Variants in CSTF3 observed in about 807,000 individuals in gnomAD.
CSTF3 encodes the protein cleavage stimulation factor subunit 3.
CSTF3 carries 29 observed loss-of-function variants against 105.8 expected under a neutral mutation model. That is an observed-to-expected ratio of 0.27 (90% confidence interval 0.20 to 0.37). The LOEUF (loss-of-function observed/expected upper bound fraction) is 0.37, where lower values mean the gene tolerates loss of function less well. Ranked by LOEUF, CSTF3 falls within the 10% of genes least tolerant of loss-of-function variation. CSTF3 has a pLI of 1.00. For missense variants in CSTF3, 357 were observed against 879.3 expected, an observed-to-expected ratio of 0.41 and a Z score of 7.51; for synonymous variants, 252 against 281.9, an observed-to-expected ratio of 0.89 and a Z score of 1.06.
At chr11:33,090,127 A>C (rs1855152305) in intron 17 of CSTF3, among the ~76,000 whole-genome samples, 2 of 152,220 alleles carry the variant, frequency 1.3e-5, no homozygotes, top group Non-Finnish European at 2.9e-5. Flanking sequence ...CAAAATATGC[A>C]ACAGGAACTA....
At chr11:33,108,468 C>A in intron 3 of CSTF3, 50 bp from the exon 4 acceptor site, 2 of 1,337,678 alleles carry the variant, frequency 1.5e-6, no homozygotes, top group South Asian at 3.5e-5. Flanking sequence ...TTTAGAGCAT[C>A]AGTCTGAATT....
intron 8 of CSTF3, among the ~76,000 whole-genome samples, chr11:33,105,026 A>G (rs1314202074): frequency 1.3e-5 from 2 of 152,164 alleles, no homozygotes; most frequent in African/African-American, 2.4e-5. Flanking sequence ...TGGGATTACA[A>G]GTGTAAGCCA....
At chr11:33,155,354 A>G (rs1184770966) in intron 1 of CSTF3, among the ~76,000 whole-genome samples, 3 of 149,766 alleles carry the variant, frequency 2.0e-5, no homozygotes, top group Non-Finnish European at 4.4e-5. Flanking sequence ...AAAGTGCAAG[A>G]CTCTGTCTCG....
intron 1 of CSTF3, among the ~76,000 whole-genome samples, chr11:33,147,179 CCT>C (rs1855794580): frequency 6.6e-6 from 1 of 152,022 alleles, no homozygotes; most frequent in Non-Finnish European, 1.5e-5. Context: ...CACCTGCAGT[CCT>C]AGCTACCTGG....
rs774914858 is a variant in CSTF3 at position 33,161,157 on chromosome 11, C to T, written c.27+142G>A. 6.3e-4 allele frequency: 476 copies of T among 754,072 alleles called. 1 individual carries two copies. Among genetic ancestry groups the T allele is most frequent in the Middle Eastern group, 9.2e-4 (3 of 3,244 alleles). The allele number at this position is 754,072 out of a possible 1,614,324, so 46.7% of individuals were successfully genotyped here. ...AAAATTAAATCTTAGATCTTGCTCC[C>T]CATTCCCACCACTCTTCTATATACC... On this transcript the variant is annotated intron_variant, in intron 1 of 20. Transcript: ENST00000323959.
chr11:33,128,951 T>C (rs1176257255), intron 3 of CSTF3, among the ~76,000 whole-genome samples: 1 of 152,192 alleles, frequency 6.6e-6, no homozygotes, highest in Non-Finnish European at 1.5e-5. Context: ...TCTTCCAGAT[T>C]TCCTTGACTC....
chr11:33,120,437 C>T (rs1380008468), intron 3 of CSTF3, among the ~76,000 whole-genome samples: 3 of 151,768 alleles, frequency 2.0e-5, no homozygotes, highest in South Asian at 4.1e-4. Flanking sequence ...AAAATGTTTT[C>T]CTTTTTGTAA....
chr11:33,102,930 T>G (rs1855293979), intron 9 of CSTF3, among the ~76,000 whole-genome samples, 177 bp downstream of exon 9: 1 of 152,248 alleles, frequency 6.6e-6, no homozygotes, highest in South Asian at 2.1e-4. Flanking sequence ...TTTATTATAT[T>G]TTGTTCTTAC....
At chr11:33,117,110 A>C (rs1191523822) in intron 3 of CSTF3, among the ~76,000 whole-genome samples, 1 of 152,008 alleles carries the variant, frequency 6.6e-6, no homozygotes, top group Middle Eastern at 3.2e-3. Context: ...TGTAAAAAAA[A>C]CTTTTCTTAT....
intron 4 of CSTF3, 145 bp from the exon 5 acceptor site, chr11:33,108,145 A>G (rs1855344592): frequency 1.6e-6 from 1 of 616,740 alleles, no homozygotes; most frequent in Non-Finnish European, 2.6e-6. Flanking sequence ...CCCCATTTTC[A>G]GTTTAGATAA....
At chr11:33,157,737 T>C (rs1849885330) in intron 1 of CSTF3, among the ~76,000 whole-genome samples, 1 of 152,242 alleles carries the variant, frequency 6.6e-6, no homozygotes, top group Non-Finnish European at 1.5e-5. Context: ...GTATCAGGTT[T>C]ATTCTACAAA....
intron 1 of CSTF3, among the ~76,000 whole-genome samples, chr11:33,155,408 G>C (rs577340591): frequency 1.1e-3 from 170 of 151,128 alleles, no homozygotes; most frequent in Non-Finnish European, 2.0e-3. Flanking sequence ...AAAGATCTTG[G>C]CTTAACATAT....
chr11:33,147,620 G>A (rs560850693), intron 1 of CSTF3, among the ~76,000 whole-genome samples: 23 of 151,846 alleles, frequency 1.5e-4, no homozygotes, highest in African/African-American at 5.5e-4. Flanking sequence ...TTTCAGTCTT[G>A]AGATACCGAC....
chr11:33,104,938 G>A (rs763978889), intron 8 of CSTF3, among the ~76,000 whole-genome samples: 1 of 151,998 alleles, frequency 6.6e-6, no homozygotes, highest in Non-Finnish European at 1.5e-5. Flanking sequence ...CTTTAGAGAC[G>A]GGCTCTCACC....
At chr11:33,145,203 G>A (rs187973812) in intron 1 of CSTF3, among the ~76,000 whole-genome samples, 3 of 152,000 alleles carry the variant, frequency 2.0e-5, no homozygotes, top group African/African-American at 7.2e-5. Context: ...GTTGGTGGGT[G>A]GGCAGGAGGA....
chr11:33,108,109 T>C, intron 4 of CSTF3, 109 bp from the exon 5 acceptor site: 1 of 664,702 alleles, frequency 1.5e-6, no homozygotes, highest in South Asian at 3.2e-5. Flanking sequence ...TGAATTTATC[T>C]CTTATAAATA....
At chr11:33,155,856 C>T (rs970193877) in intron 1 of CSTF3, among the ~76,000 whole-genome samples, 2 of 146,190 alleles carry the variant, frequency 1.4e-5, no homozygotes, top group African/African-American at 5.5e-5. Flanking sequence ...GTCACCAAAT[C>T]GAAGATTTAA....
intron 3 of CSTF3, among the ~76,000 whole-genome samples, chr11:33,120,332 T>A (rs1855473788): frequency 6.6e-6 from 1 of 151,856 alleles, no homozygotes; most frequent in Admixed American, 6.6e-5. Context: ...TTAACTGTGA[T>A]TAAGTTATAG....
chr11:33,108,410 A>G lies in CSTF3; in HGVS notation c.234T>C (p.Ala78=). 2 of 1,482,624 alleles carry G rather than the reference A, an allele frequency of 1.3e-6. No individual in the cohort carries two copies. Among genetic ancestry groups the G allele is most frequent in the South Asian group, 1.3e-5 (1 of 74,944 alleles). The allele number at this position is 1,482,624 out of a possible 1,614,324, so 91.8% of individuals were successfully genotyped here. The change falls in exon 4 of 21, where the codon GCT becomes GCC. Residue 78 remains alanine, a synonymous_variant. Coordinates refer to ENST00000323959, the MANE Select transcript of CSTF3 (RefSeq NM_001326.3). ...CCTTTTCAACCTTGTCATAATTTTT[A>G]GCTTTAATCTGAAGAGAAACAGAAA... The part of the protein sequence containing the change: ...WKLYIEAEIK[A]KNYDKVEKLF...
Sources: gnomAD v4.1 joint callset for allele counts (sites outside exome capture counted in the v4.1 genomes callset) on GRCh38, gnomAD v4.1.1 for gene constraint, MANE v1.5 for transcripts, NCBI Gene and HGNC (gene_info 2026-07-23, HGNC 2026-07-21) for gene names.